The following SMC3 variants were observed in gnomAD, a reference collection of about 807,000 sequenced individuals.
SMC3 encodes structural maintenance of chromosomes 3, also known as structural maintenance of chromosomes protein 3.
A neutral mutation model predicts 171.8 loss-of-function variants in SMC3; 20 were observed. That is an observed-to-expected ratio of 0.12 (90% CI 0.08 to 0.17). The LOEUF is 0.17. Among genes scored for constraint, SMC3 ranks in the 10% least tolerant of loss-of-function variants. The pLI, the probability that SMC3 is intolerant of heterozygous loss-of-function variation, is 1.00. For synonymous variants in SMC3, 464 were observed against 451.1 expected, an observed-to-expected ratio of 1.03 and a Z score of -0.36; for missense variants, 543 against 1,420.4, an observed-to-expected ratio of 0.38 and a Z score of 9.93.
intron 11 of SMC3, 51 bp from the exon 12 acceptor site, chr10:110,583,790 C>A: frequency 6.3e-7 from 1 of 1,593,648 alleles, no homozygotes; most frequent in Non-Finnish European, 8.6e-7. Flanking sequence ...TATGCTAGAC[C>A]TAAATTATGC....
At chr10:110,603,040 A>G (rs571437462) in intron 27 of SMC3, 38 bp downstream of exon 27, 4 of 1,604,692 alleles carry the variant, frequency 2.5e-6, no homozygotes, top group African/African-American at 1.3e-5. Context: ...GTATTTAACA[A>G]TAAGCTGGTA....
At position 110,581,906 on chromosome 10, in the gene SMC3, T is replaced by C; in HGVS notation, c.548-17T>C. 1 of 1,603,860 alleles carries C rather than the reference T, an allele frequency of 6.2e-7. No homozygotes were observed. The highest frequency in any genetic ancestry group is 8.5e-7 in the Non-Finnish European group (1 of 1,171,536). Reference sequence around the variant, plus strand: ...ATCTTATTCAATTCTTCCACCTCTCTCCCCATTTCTTTTAAGAGGGCAAAC... The same window carrying C: ...ATCTTATTCAATTCTTCCACCTCTCCCCCCATTTCTTTTAAGAGGGCAAAC... On this transcript the variant is annotated splice_polypyrimidine_tract_variant and intron_variant, in intron 8 of 28. Transcript: ENST00000361804.
At chr10:110,596,285 A>T in intron 18 of SMC3, 113 bp from the exon 19 acceptor site, 1 of 991,788 alleles carries the variant, frequency 1.0e-6, no homozygotes, top group Non-Finnish European at 1.4e-6. Flanking sequence ...GGTTTAAATT[A>T]CTTTCAATTC....
intron 13 of SMC3, among the ~76,000 whole-genome samples, chr10:110,588,320 T>C (rs12774065): frequency 0.023 from 3,577 of 152,292 alleles, 64 homozygotes; most frequent in Middle Eastern, 0.037. Flanking sequence ...AGTAGTAACA[T>C]TGACTTTTTG....
chr10:110,602,300 A>C, intron 25 of SMC3, 122 bp downstream of exon 25: 1 of 999,350 alleles, frequency 1.0e-6, no homozygotes, highest in South Asian at 1.4e-5. Flanking sequence ...CATGTGAACA[A>C]ACCTAGCATA....
chr10:110,572,344 C>G (rs1310999591), intron 2 of SMC3, among the ~76,000 whole-genome samples: 1 of 152,160 alleles, frequency 6.6e-6, no homozygotes, highest in Non-Finnish European at 1.5e-5. Context: ...TTGACTGACC[C>G]AGAAGTGTTC....
At position 110,578,023 on chromosome 10, in the gene SMC3, C is replaced by T. The variant is rs566170642; in HGVS notation, c.350+109C>T. On this transcript the variant is annotated intron_variant, in intron 6 of 28. Transcript: ENST00000361804. ...GAACTCTTGGCCTCAAATGATCCACCTCGGCTTCCTAAAGTGCTAGGATTA... is the reference window on the plus strand; with the variant it reads ...GAACTCTTGGCCTCAAATGATCCACTTCGGCTTCCTAAAGTGCTAGGATTA... The T allele has an allele frequency of 7.8e-5, 58 of 744,786 alleles. No individual in the cohort carries two copies. In the East Asian group the frequency reaches 1.5e-3, roughly 20 times the overall value. 46.1% of individuals were successfully genotyped at this position (744,786 alleles called of 1,614,324 possible).
intron 7 of SMC3, among the ~76,000 whole-genome samples, chr10:110,579,020 C>A (rs558473189): frequency 6.6e-6 from 1 of 152,258 alleles, no homozygotes; most frequent in South Asian, 2.1e-4. Context: ...GAAAAACTTT[C>A]TAAAATTAAT....
At chr10:110,581,570 TA>T (rs1261822811) in intron 8 of SMC3, among the ~76,000 whole-genome samples, 1 of 152,192 alleles carries the variant, frequency 6.6e-6, no homozygotes, top group African/African-American at 2.4e-5. Context: ...CTACATGTTA[TA>T]AAAGAACCAG....
At position 110,604,879 on chromosome 10, in the gene SMC3, TA is replaced by T. The variant is rs1375124205; in HGVS notation, c.*578del. Among the ~76,000 whole-genome samples, 9 of 152,352 alleles carry T rather than the reference TA, an allele frequency of 5.9e-5. No homozygotes were observed. In the East Asian group the frequency reaches 9.6e-4, roughly 16 times the overall value. On this transcript the variant is annotated 3_prime_UTR_variant, in exon 29 of 29. Coordinates refer to ENST00000361804, the MANE Select transcript of SMC3 (RefSeq NM_005445.4). Reference sequence around the variant, plus strand: ...TTACTATCAACTAAGCTCAAGATTTTATTCAGATTTGACTAGTTTTTCCACT... The same window carrying T: ...TTACTATCAACTAAGCTCAAGATTTTTTCAGATTTGACTAGTTTTTCCACT...
intron 9 of SMC3, 62 bp from the exon 10 acceptor site, chr10:110,582,500 T>G: frequency 8.8e-7 from 1 of 1,136,670 alleles, no homozygotes; most frequent in South Asian, 1.4e-5. Context: ...TTTTATTAGA[T>G]GTTATGAAAT....
rs1448939963 is a variant in SMC3 at position 110,595,197 on chromosome 10, C to G, written c.1964-1201C>G. 3.9e-5 allele frequency among the ~76,000 whole-genome samples: 6 copies of G among 152,116 alleles called. No homozygotes were observed. In the East Asian group the frequency reaches 1.2e-3, roughly 29 times the overall value. On this transcript the variant is annotated intron_variant, in intron 18 of 28. Coordinates refer to ENST00000361804, the MANE Select transcript of SMC3 (RefSeq NM_005445.4). ...GTTTCTCTATGTTGGTCAGGCTGGT[C>G]TCGAACTCCTGACCTCAGGTGATCT...
At chr10:110,599,851 A>T in intron 21 of SMC3, 39 bp downstream of exon 21, 1 of 1,601,498 alleles carries the variant, frequency 6.2e-7, no homozygotes, top group Non-Finnish European at 8.6e-7. Flanking sequence ...TTCGTTAGTA[A>T]TTGGCTATTG....
chr10:110,601,727 T>G lies in SMC3; in HGVS notation c.2735T>G (p.Met912Arg). ...TGGAAAAATATGGAAAAAGAACATA[T>G]GGATGCTATAAATCATGATACTAAA... is the stretch of plus-strand genomic sequence containing the variant. ...ERWKNMEKEH[M>R]DAINHDTKEL... The change falls in exon 24 of 29, where the codon ATG becomes AGG. Residue 912 changes from methionine (M) to arginine (R), a missense_variant. Transcript: ENST00000361804. 6.2e-7 allele frequency: 1 copy of G among 1,613,548 alleles called. No individual in the cohort carries two copies. Among genetic ancestry groups the G allele is most frequent in the Non-Finnish European group, 8.5e-7 (1 of 1,179,768 alleles).
chr10:110,598,409 AC>A, intron 20 of SMC3, 119 bp downstream of exon 20: 1 of 1,134,274 alleles, frequency 8.8e-7, no homozygotes, highest in Non-Finnish European at 1.3e-6. Flanking sequence ...TTGGACCCAT[AC>A]TTTTTTTTTT....
intron 20 of SMC3, among the ~76,000 whole-genome samples, chr10:110,599,375 G>T (rs950093120): frequency 3.3e-5 from 5 of 152,300 alleles, no homozygotes; most frequent in East Asian, 3.9e-4. Flanking sequence ...GGTTACAGGC[G>T]TGAGCCACTG....
At chr10:110,573,066 G>T (rs1860895100) in intron 2 of SMC3, among the ~76,000 whole-genome samples, 1 of 149,854 alleles carries the variant, frequency 6.7e-6, no homozygotes, top group Non-Finnish European at 1.5e-5. Flanking sequence ...TGGTAACTTT[G>T]TGGTTAATTT....
At chr10:110,580,305 T>TA (rs1297490648) in intron 7 of SMC3, among the ~76,000 whole-genome samples, 2 of 151,984 alleles carry the variant, frequency 1.3e-5, no homozygotes, top group Non-Finnish European at 2.9e-5. Context: ...ATTGTAGCTT[T>TA]AAAAAAAAGT....
intron 7 of SMC3, 52 bp from the exon 8 acceptor site, chr10:110,580,852 T>G: frequency 1.0e-6 from 1 of 971,070 alleles, no homozygotes. Flanking sequence ...GGAGTTCTTC[T>G]TCTTAAACGG....
Sources: allele counts gnomAD v4.1 joint callset (sites outside exome capture counted in the v4.1 genomes callset), GRCh38; gene constraint gnomAD v4.1.1; transcripts MANE v1.5; gene names NCBI Gene and HGNC (gene_info 2026-07-23, HGNC 2026-07-21).